CLASP1: variants seen among roughly 807,000 people sequenced by gnomAD.
CLASP1 encodes CLIP-associating protein 1.
Under a neutral mutation model 192.3 loss-of-function variants are expected in CLASP1, and 38 were observed. That is an observed-to-expected ratio of 0.20 (90% CI 0.15 to 0.26). CLASP1 has a LOEUF of 0.26. Ranked by LOEUF, CLASP1 falls within the 10% of genes least tolerant of loss-of-function variation. The pLI is 1.00. For missense variants in CLASP1, 1,433 were observed against 1,932.5 expected, an observed-to-expected ratio of 0.74 and a Z score of 4.85; for synonymous variants, 691 against 712.8, an observed-to-expected ratio of 0.97 and a Z score of 0.49.
chr2:121,648,949 G>T (rs1369947071), intron 1 of CLASP1, among the ~76,000 whole-genome samples: 1 of 152,110 alleles, frequency 6.6e-6, no homozygotes, highest in African/African-American at 2.4e-5. Context: ...CCCATCACTC[G>T]CCAATGACTA....
At chr2:121,443,383 A>G (rs184268526) in intron 19 of CLASP1, among the ~76,000 whole-genome samples, 147 of 152,294 alleles carry the variant, frequency 9.7e-4, no homozygotes, top group African/African-American at 3.4e-3. Context: ...GGAAAAACAT[A>G]TAATTTCCCA....
chr2:121,341,997 TAAATC>T (rs1201465217), intron 39 of CLASP1, among the ~76,000 whole-genome samples: 1 of 151,092 alleles, frequency 6.6e-6, no homozygotes, highest in Admixed American at 6.6e-5. Flanking sequence ...TGGGATGAAA[TAAATC>T]AATAATAGAA....
chr2:121,573,936 C>T (rs2060213532), intron 2 of CLASP1, among the ~76,000 whole-genome samples: 1 of 152,146 alleles, frequency 6.6e-6, no homozygotes. Flanking sequence ...GTAAGCTTTG[C>T]AGAGAGTAGA....
At chr2:121,467,252 T>C (rs570384515) in intron 9 of CLASP1, among the ~76,000 whole-genome samples, 1 of 152,318 alleles carries the variant, frequency 6.6e-6, no homozygotes, top group South Asian at 2.1e-4. Context: ...CTATTGTGAA[T>C]AGTGCTGGGA....
chr2:121,401,514 G>A, exon 28 of CLASP1: 1 of 1,608,092 alleles, frequency 6.2e-7, no homozygotes, highest in Non-Finnish European at 8.5e-7. Flanking sequence ...CTTACCTTGT[G>A]ACATCTAGAG....
chr2:121,634,075 G>A (rs1345862167), intron 1 of CLASP1, among the ~76,000 whole-genome samples: 2 of 151,314 alleles, frequency 1.3e-5, no homozygotes, highest in African/African-American at 4.9e-5. Context: ...CATCCTTCAG[G>A]CCAAAATAGG....
exon 32 of CLASP1, chr2:121,387,141 G>A (rs1480280655): frequency 5.6e-6 from 9 of 1,613,774 alleles, no homozygotes; most frequent in Non-Finnish European, 7.6e-6. Flanking sequence ...AGACCCCCAT[G>A]GGAACAGTTG....
At chr2:121,515,956 G>A (rs2094280168) in intron 6 of CLASP1, among the ~76,000 whole-genome samples, 194 bp from the exon 7 acceptor site, 1 of 152,174 alleles carries the variant, frequency 6.6e-6, no homozygotes, top group Admixed American at 6.5e-5. Context: ...AATGTCAAAC[G>A]GTAGTAAAAC....
At chr2:121,498,198 TTTC>T (rs1252903792) in intron 8 of CLASP1, among the ~76,000 whole-genome samples, 2 of 142,340 alleles carry the variant, frequency 1.4e-5, no homozygotes, top group African/African-American at 5.8e-5. Context: ...TAGGTAATAG[TTTC>T]TTTTTTTTTT....
intron 9 of CLASP1, among the ~76,000 whole-genome samples, chr2:121,463,563 C>T (rs1279221257): frequency 6.6e-6 from 1 of 152,084 alleles, no homozygotes; most frequent in Non-Finnish European, 1.5e-5. Flanking sequence ...AGCAGATAGG[C>T]CCTGAATGCC....
chr2:121,365,543 C>A lies in CLASP1; in HGVS notation c.3887-259G>T, dbSNP rs544012318. ...CAGTACCAACAGTCAATGTCTTCACCCTTCCTTGCTATCTTTTCCCTTCTA... is the reference window on the plus strand; with the variant it reads ...CAGTACCAACAGTCAATGTCTTCACACTTCCTTGCTATCTTTTCCCTTCTA... On this transcript the variant is annotated intron_variant, in intron 35 of 39. Transcript: ENST00000263710. Among the ~76,000 whole-genome samples, 10 of 152,342 alleles carry A rather than the reference C, an allele frequency of 6.6e-5. No homozygotes were observed. In the East Asian group the frequency reaches 1.9e-3, roughly 29 times the overall value.
chr2:121,390,269 G>A (rs1404074442), intron 30 of CLASP1, among the ~76,000 whole-genome samples: 1 of 152,078 alleles, frequency 6.6e-6, no homozygotes, highest in African/African-American at 2.4e-5. Flanking sequence ...AAAAGCCTGG[G>A]GCATAGCTCA....
intron 8 of CLASP1, among the ~76,000 whole-genome samples, chr2:121,500,036 TA>T (rs2093680182): frequency 6.6e-6 from 1 of 152,050 alleles, no homozygotes; most frequent in South Asian, 2.1e-4. Flanking sequence ...CTGAAAGAGA[TA>T]AAACTGTTCC....
At chr2:121,430,857 C>G (rs2081272860) in intron 19 of CLASP1, among the ~76,000 whole-genome samples, 1 of 151,676 alleles carries the variant, frequency 6.6e-6, no homozygotes, top group African/African-American at 2.4e-5. Context: ...TAATCCAATG[C>G]TGTAGGCAGT....
chr2:121,527,695 A>T, intron 5 of CLASP1, 104 bp downstream of exon 5: 1 of 853,686 alleles, frequency 1.2e-6, no homozygotes, highest in Non-Finnish European at 1.9e-6. Context: ...ATGAGATCTC[A>T]CACTACACTT....
chr2:121,421,803 G>A (rs545486232), intron 22 of CLASP1, among the ~76,000 whole-genome samples: 2 of 151,492 alleles, frequency 1.3e-5, no homozygotes, highest in African/African-American at 4.8e-5. Context: ...TCGGCCTCCC[G>A]AAGTGCTGGG....
intron 19 of CLASP1, among the ~76,000 whole-genome samples, chr2:121,435,410 G>C (rs766768175): frequency 6.6e-6 from 1 of 152,098 alleles, no homozygotes; most frequent in Non-Finnish European, 1.5e-5. Context: ...GAGTAGCTGG[G>C]AATACAGGCA....
chr2:121,540,386 C>T (rs1307166997), intron 2 of CLASP1, among the ~76,000 whole-genome samples: 2 of 152,112 alleles, frequency 1.3e-5, no homozygotes, highest in Non-Finnish European at 2.9e-5. Flanking sequence ...GTCTACAGTC[C>T]CAGCTACTTG....
At chr2:121,592,282 T>C (rs1559706941) in intron 2 of CLASP1, among the ~76,000 whole-genome samples, 1 of 152,240 alleles carries the variant, frequency 6.6e-6, no homozygotes, top group Non-Finnish European at 1.5e-5. Flanking sequence ...TGTATTCCCT[T>C]CATAATATTT....
Sources: gnomAD v4.1 joint callset for allele counts (sites outside exome capture counted in the v4.1 genomes callset) on GRCh38, gnomAD v4.1.1 for gene constraint, MANE v1.5 for transcripts, NCBI Gene and HGNC (gene_info 2026-07-23, HGNC 2026-07-21) for gene names.